Variants in CHN2 observed in about 807,000 individuals in gnomAD.
CHN2 encodes beta-chimaerin.
In CHN2, 35 loss-of-function variants were observed where a neutral mutation model predicts 56.3. That is an observed-to-expected ratio of 0.62 (90% CI 0.47 to 0.82). CHN2 has a LOEUF of 0.82. Among genes scored for constraint, CHN2 ranks in the 40% least tolerant of loss-of-function variants. The probability of loss-of-function intolerance (pLI) is 0.00; values close to 1 mark genes in which losing one functional copy is unlikely to be tolerated. For missense variants in CHN2, 491 were observed against 580.5 expected, an observed-to-expected ratio of 0.85 and a Z score of 1.58; for synonymous variants, 210 against 212.8, an observed-to-expected ratio of 0.99 and a Z score of 0.12.
intron 1 of CHN2, among the ~76,000 whole-genome samples, chr7:29,294,210 G>A (rs1157568749): frequency 6.6e-6 from 1 of 151,994 alleles, no homozygotes; most frequent in East Asian, 1.9e-4. Flanking sequence ...TTGTATCTCC[G>A]GCACCTGGAA....
intron 1 of CHN2, among the ~76,000 whole-genome samples, chr7:29,334,768 A>AAAC (rs1369816731): frequency 6.6e-6 from 1 of 151,670 alleles, no homozygotes; most frequent in Admixed American, 6.5e-5. Context: ...ACAAACAAAC[A>AAAC]AACAACAACA....
intron 2 of CHN2, among the ~76,000 whole-genome samples, chr7:29,172,384 C>A (rs765038903): frequency 3.3e-5 from 5 of 152,174 alleles, no homozygotes; most frequent in African/African-American, 7.2e-5. Flanking sequence ...GTTATGATAG[C>A]ATCAGTGTCT....
At chr7:29,304,612 A>G (rs1231980385) in intron 1 of CHN2, among the ~76,000 whole-genome samples, 1 of 152,244 alleles carries the variant, frequency 6.6e-6, no homozygotes, top group Non-Finnish European at 1.5e-5. Context: ...TAAATGTGCC[A>G]TTTAAGAATT....
At chr7:29,343,345 TGAC>T (rs1332951136) in intron 1 of CHN2, among the ~76,000 whole-genome samples, 4 of 152,294 alleles carry the variant, frequency 2.6e-5, no homozygotes, top group African/African-American at 4.8e-5. Flanking sequence ...GCAAAGGTAA[TGAC>T]GATGATAACC....
At chr7:29,426,324 A>ATAG in intron 6 of CHN2, among the ~76,000 whole-genome samples, 1 of 151,884 alleles carries the variant, frequency 6.6e-6, no homozygotes, top group East Asian at 1.9e-4. Flanking sequence ...TATATGGTTA[A>ATAG]TAATAAACAA....
intron 1 of CHN2, among the ~76,000 whole-genome samples, chr7:29,333,291 A>G (rs1585083537): frequency 6.6e-6 from 1 of 152,000 alleles, no homozygotes; most frequent in East Asian, 1.9e-4. Flanking sequence ...ATGCCACCAT[A>G]CCCTGACCCG....
intron 2 of CHN2, chr7:29,147,383 G>GTA (rs1377399035): frequency 6.2e-6 from 1 of 161,526 alleles, no homozygotes; most frequent in Non-Finnish European, 1.3e-5. Context: ...GAAACCCGCA[G>GTA]TAGAGCAGCC....
At chr7:29,390,390 G>T (rs1412326724) in intron 3 of CHN2, among the ~76,000 whole-genome samples, 1 of 152,218 alleles carries the variant, frequency 6.6e-6, no homozygotes, top group East Asian at 1.9e-4. Flanking sequence ...CAAAGGCCAG[G>T]TTCACCAGGT....
chr7:29,357,906 T>G (rs1447371410), intron 2 of CHN2, among the ~76,000 whole-genome samples: 1 of 152,234 alleles, frequency 6.6e-6, no homozygotes, highest in Non-Finnish European at 1.5e-5. Context: ...CCTTTCTCTT[T>G]GAAATGTTCA....
At chr7:29,271,993 T>C (rs1790684657) in intron 1 of CHN2, among the ~76,000 whole-genome samples, 1 of 152,208 alleles carries the variant, frequency 6.6e-6, no homozygotes. Flanking sequence ...TCACTGTGAT[T>C]GCAGGAGAGA....
intron 1 of CHN2, among the ~76,000 whole-genome samples, chr7:29,297,642 C>A (rs892091680): frequency 6.6e-6 from 1 of 152,104 alleles, no homozygotes; most frequent in African/African-American, 2.4e-5. Context: ...AGAGAGAGGG[C>A]GGCCAAAAGC....
chr7:29,242,332 T>A (rs1787748931), intron 1 of CHN2, among the ~76,000 whole-genome samples: 3 of 152,168 alleles, frequency 2.0e-5, no homozygotes, highest in Admixed American at 2.0e-4. Context: ...TCTGGCGTTG[T>A]TGAGAGTAAA....
Position 29,195,649 on chromosome 7 carries a change from TGA to T in CHN2, c.49+678_49+679del, listed in dbSNP as rs1554358915. On this transcript the variant is annotated intron_variant, in intron 1 of 12. Coordinates refer to ENST00000222792, the MANE Select transcript of CHN2 (RefSeq NM_004067.4). ...GAGAGAGTGTGTGTGTGTGTGTGTG[TGA>T]GAGAGAGAGAGAGAGAGACTCCTTA... 7.9e-3 allele frequency among the ~76,000 whole-genome samples: 1,034 copies of T among 130,518 alleles called. 10 individuals carry two copies. Among genetic ancestry groups the T allele is most frequent in the African/African-American group, 0.023 (806 of 35,140 alleles). 85.6% of individuals were successfully genotyped at this position (130,518 alleles called of 152,430 possible).
At chr7:29,486,641 T>C (rs1278828870) in intron 7 of CHN2, among the ~76,000 whole-genome samples, 2 of 152,034 alleles carry the variant, frequency 1.3e-5, no homozygotes, top group African/African-American at 4.8e-5. Flanking sequence ...CCCTACTTAC[T>C]CTTATATGTC....
chr7:29,255,514 G>GTA (rs894047897), intron 1 of CHN2, among the ~76,000 whole-genome samples: 8 of 152,064 alleles, frequency 5.3e-5, no homozygotes, highest in African/African-American at 1.9e-4. Flanking sequence ...AAAAAAATAT[G>GTA]TATATATATA....
At chr7:29,352,097 T>C (rs1200639887) in intron 1 of CHN2, among the ~76,000 whole-genome samples, 1 of 152,148 alleles carries the variant, frequency 6.6e-6, no homozygotes, top group East Asian at 1.9e-4. Flanking sequence ...CTTCTGACTT[T>C]AGGTAAGAAG....
At chr7:29,238,510 C>T (rs1290678415) in intron 1 of CHN2, among the ~76,000 whole-genome samples, 1 of 152,016 alleles carries the variant, frequency 6.6e-6, no homozygotes, top group African/African-American at 2.4e-5. Context: ...GAGCTATGTG[C>T]CATGGATTCT....
At position 29,495,959 on chromosome 7, in the gene CHN2, C is replaced by T. The variant is rs1789230622; in HGVS notation, c.662C>T (p.Thr221Met). 3 of 1,613,002 alleles carry T rather than the reference C, an allele frequency of 1.9e-6. No homozygotes were observed. The highest frequency in any genetic ancestry group is 2.5e-6 in the Non-Finnish European group (3 of 1,179,574). ...YEKTHNFKVH[T>M]FRGPHWCEYC... ...CTTCTTTTTGGATCACAGGTCCACA[C>T]GTTCCGAGGCCCACACTGGTGTGAA... The change falls in exon 8 of 13, where the codon ACG becomes ATG. Residue 221 changes from threonine to methionine, a missense_variant. Transcript: ENST00000222792.
intron 2 of CHN2, among the ~76,000 whole-genome samples, chr7:29,157,627 C>T (rs532299477): frequency 6.6e-6 from 1 of 152,148 alleles, no homozygotes; most frequent in African/African-American, 2.4e-5. Context: ...TGGGATAGGT[C>T]AAATGTTATT....
Sources: allele counts gnomAD v4.1 joint callset (sites outside exome capture counted in the v4.1 genomes callset), GRCh38; gene constraint gnomAD v4.1.1; transcripts MANE v1.5; gene names NCBI Gene and HGNC (gene_info 2026-07-23, HGNC 2026-07-21).